The following USP10 variants were observed in gnomAD, a reference collection of about 807,000 sequenced individuals.
USP10 encodes ubiquitin specific peptidase 10.
In USP10, 22 loss-of-function variants were observed where a neutral mutation model predicts 84.5. The ratio of observed to expected loss-of-function variants is 0.26; its 90% confidence interval spans 0.19 to 0.37. USP10 has a LOEUF of 0.37. Ranked by LOEUF, USP10 falls within the 10% of genes least tolerant of loss-of-function variation. The pLI is 1.00. For synonymous variants in USP10, 454 were observed against 387.6 expected, an observed-to-expected ratio of 1.17 and a Z score of -2.01; for missense variants, 1,019 against 998.9, an observed-to-expected ratio of 1.02 and a Z score of -0.27.
chr16:84,722,968 A>T (rs1908002492), intron 1 of USP10, among the ~76,000 whole-genome samples: 1 of 152,192 alleles, frequency 6.6e-6, no homozygotes, highest in Non-Finnish European at 1.5e-5. Flanking sequence ...GGTGGTTCTT[A>T]GTGAAATGTG....
intron 4 of USP10, among the ~76,000 whole-genome samples, chr16:84,747,504 G>A (rs1911370367): frequency 6.6e-6 from 1 of 151,238 alleles, no homozygotes; most frequent in Admixed American, 6.6e-5. Context: ...GCAAATGATA[G>A]GCCAGACGTC....
intron 3 of USP10, among the ~76,000 whole-genome samples, chr16:84,744,406 A>G (rs930892493): frequency 6.6e-6 from 1 of 152,216 alleles, no homozygotes; most frequent in Non-Finnish European, 1.5e-5. Flanking sequence ...AGCCTTCCTT[A>G]GCTAGAAAGA....
chr16:84,737,915 G>A (rs961115819), intron 2 of USP10, among the ~76,000 whole-genome samples: 3 of 152,186 alleles, frequency 2.0e-5, no homozygotes, highest in Non-Finnish European at 4.4e-5. Flanking sequence ...TGGCATTACC[G>A]GCCCCGCCTC....
intron 1 of USP10, among the ~76,000 whole-genome samples, chr16:84,700,724 C>T (rs542301927): frequency 2.0e-5 from 3 of 152,290 alleles, no homozygotes; most frequent in East Asian, 1.9e-4. Context: ...CTTTCACTTG[C>T]GTTTGAGTGA....
At chr16:84,749,882 T>G (rs1260267337) in intron 4 of USP10, among the ~76,000 whole-genome samples, 1 of 152,234 alleles carries the variant, frequency 6.6e-6, no homozygotes, top group African/African-American at 2.4e-5. Flanking sequence ...AGGTTATGTG[T>G]CAACATTTTG....
intron 1 of USP10, among the ~76,000 whole-genome samples, chr16:84,701,287 TA>T (rs569900646): frequency 2.6e-5 from 4 of 152,252 alleles, no homozygotes; most frequent in Non-Finnish European, 5.9e-5. Context: ...TCAATTTTGT[TA>T]AATTAGCTGT....
At position 84,745,199 on chromosome 16, in the gene USP10, G is replaced by A. The variant is rs1311368027; in HGVS notation, c.718G>A (p.Gly240Arg). 6.2e-7 allele frequency: 1 copy of A among 1,613,308 alleles called. No individual in the cohort carries two copies. The highest frequency in any genetic ancestry group is 8.5e-7 in the Non-Finnish European group (1 of 1,179,614). Residue 240 changes from glycine (G) to arginine (R), a missense_variant, in exon 4 of 14, where the codon GGG becomes AGG. Coordinates refer to ENST00000219473, the MANE Select transcript of USP10 (RefSeq NM_005153.3). ...GALGSDTRTA[G>R]QPEGGPGADF... ...ACTCGGCAGTGACACCAGGACTGCA[G>A]GGCAGCCAGAGGGGGGCCCCGGGGC...
At chr16:84,725,565 T>C (rs1363580240) in intron 1 of USP10, among the ~76,000 whole-genome samples, 1 of 151,918 alleles carries the variant, frequency 6.6e-6, no homozygotes, top group African/African-American at 2.4e-5. Flanking sequence ...CATGCCCGGC[T>C]AATTTTTTTT....
At chr16:84,727,756 A>G (rs1908693782) in intron 1 of USP10, among the ~76,000 whole-genome samples, 1 of 152,264 alleles carries the variant, frequency 6.6e-6, no homozygotes, top group Non-Finnish European at 1.5e-5. Context: ...GGAAGATTAC[A>G]TACACTGTAG....
intron 4 of USP10, among the ~76,000 whole-genome samples, chr16:84,753,780 G>C (rs1354586761): frequency 6.6e-6 from 1 of 152,254 alleles, no homozygotes; most frequent in Non-Finnish European, 1.5e-5. Context: ...TTAATCTCCA[G>C]ATGTTTAATT....
At chr16:84,732,149 G>C (rs1298553558) in intron 1 of USP10, among the ~76,000 whole-genome samples, 1 of 152,106 alleles carries the variant, frequency 6.6e-6, no homozygotes, top group Non-Finnish European at 1.5e-5. Flanking sequence ...TTACCAGGAG[G>C]GTATTACATT....
chr16:84,747,554 A>ATTTTTTT (rs71151244), intron 4 of USP10, among the ~76,000 whole-genome samples: 3 of 73,032 alleles, frequency 4.1e-5, no homozygotes, highest in Non-Finnish European at 6.8e-5. Flanking sequence ...AAGCCAGGTG[A>ATTTTTTT]TTTTTTTTTT....
chr16:84,743,988 A>T (rs977277249), intron 3 of USP10, among the ~76,000 whole-genome samples: 1 of 152,184 alleles, frequency 6.6e-6, no homozygotes, highest in Non-Finnish European at 1.5e-5. Flanking sequence ...AGCGGAGGAG[A>T]CCAAGAGATA....
chr16:84,770,884 G>A (rs1157303555), intron 11 of USP10, among the ~76,000 whole-genome samples: 1 of 151,744 alleles, frequency 6.6e-6, no homozygotes, highest in Non-Finnish European at 1.5e-5. Context: ...TGGCCAACAT[G>A]TTGAAACCCC....
At chr16:84,759,277 T>A in intron 5 of USP10, 86 bp from the exon 6 acceptor site, 3 of 1,297,546 alleles carry the variant, frequency 2.3e-6, no homozygotes, top group Non-Finnish European at 3.3e-6. Context: ...CTTGTGTTTT[T>A]ATAAACATTC....
Position 84,745,753 on chromosome 16 carries a change from C to T in USP10, c.1192+80C>T. 2.8e-6 allele frequency: 4 copies of T among 1,409,232 alleles called. No individual in the cohort carries two copies. The African/African-American group carries it at 4.3e-5, about 15-fold the overall frequency. 87.3% of individuals were successfully genotyped at this position (1,409,232 alleles called of 1,614,324 possible). On this transcript the variant is annotated intron_variant, in intron 4 of 13. Transcript: ENST00000219473. ...TGGGCTTATAGACTGTGGTGTTACC[C>T]ATAACAATGGCAGATTACCTGTGTG...
chr16:84,731,280 C>A (rs1044630114), intron 1 of USP10, among the ~76,000 whole-genome samples: 2 of 150,288 alleles, frequency 1.3e-5, no homozygotes, highest in Non-Finnish European at 3.0e-5. Flanking sequence ...CTCCCGGCCT[C>A]TACTTTTTTT....
intron 1 of USP10, among the ~76,000 whole-genome samples, chr16:84,731,343 A>T (rs966225672): frequency 6.6e-6 from 1 of 151,808 alleles, no homozygotes; most frequent in African/African-American, 2.4e-5. Flanking sequence ...CAATGTGCAC[A>T]GAGTAGCCAC....
At chr16:84,763,220 A>G (rs560490220) in intron 9 of USP10, 132 bp downstream of exon 9, 2 of 514,092 alleles carry the variant, frequency 3.9e-6, no homozygotes, top group Non-Finnish European at 7.0e-6. Flanking sequence ...CCCTACGATA[A>G]CTTACACCAT....
Sources: allele counts gnomAD v4.1 joint callset (sites outside exome capture counted in the v4.1 genomes callset), GRCh38; gene constraint gnomAD v4.1.1; transcripts MANE v1.5; gene names NCBI Gene and HGNC (gene_info 2026-07-23, HGNC 2026-07-21).